ARHGEF10L: variants seen among roughly 807,000 people sequenced by gnomAD.
The protein encoded by ARHGEF10L is Rho guanine nucleotide exchange factor 10 like.
Under a neutral mutation model 141.2 loss-of-function variants are expected in ARHGEF10L, and 69 were observed. That is an observed-to-expected ratio of 0.49 (90% CI 0.40 to 0.60). The LOEUF (loss-of-function observed/expected upper bound fraction) is 0.60. Ranked by LOEUF, ARHGEF10L falls within the 20% of genes least tolerant of loss-of-function variation. ARHGEF10L has a pLI of 0.00. For missense variants in ARHGEF10L, 1,482 were observed against 1,734.3 expected (o/e 0.85, Z 2.58); for synonymous variants, 711 against 718.5 (o/e 0.99, Z 0.17).
At position 17,697,341 on chromosome 1, in the gene ARHGEF10L, C is replaced by T. The variant is rs771722229; in HGVS notation, c.3801C>T (p.Asp1267=). 5 of 1,606,596 alleles carry T rather than the reference C, an allele frequency of 3.1e-6. No homozygotes were observed. In the South Asian group the frequency reaches 4.4e-5, roughly 14 times the overall value. Residue 1267 remains aspartate, a synonymous_variant, in exon 29 of 29, where the codon GAC becomes GAT. Coordinates refer to ENST00000361221, the MANE Select transcript of ARHGEF10L (RefSeq NM_018125.4). The surrounding 1 kb of genome is among the most constrained non-coding windows in gnomAD (Gnocchi z 4.8). ...SGRQAPCGET[D]STLLIWQVPL... The stretch of plus-strand genomic sequence containing the variant: ...GGCAGGCCCCGTGTGGGGAGACGGA[C>T]AGCACCCTCCTCATCTGGCAGGTGC...
intron 27 of ARHGEF10L, 163 bp from the exon 28 acceptor site, chr1:17,694,995 C>A: frequency 1.0e-6 from 1 of 993,670 alleles, no homozygotes; most frequent in Non-Finnish European, 1.6e-6. Flanking sequence ...AGACCCCAGG[C>A]AGGTCAGCCT....
chr1:17,666,081 A>G (rs1237937765), intron 26 of ARHGEF10L, among the ~76,000 whole-genome samples: 1 of 152,186 alleles, frequency 6.6e-6, no homozygotes, highest in Non-Finnish European at 1.5e-5. Flanking sequence ...GCTTCAGCAG[A>G]TTGGGTGAGG....
chr1:17,657,434 G>A (rs367966662), intron 25 of ARHGEF10L, among the ~76,000 whole-genome samples: 2 of 152,156 alleles, frequency 1.3e-5, no homozygotes, highest in African/African-American at 2.4e-5. Flanking sequence ...GTTCAGCCCC[G>A]ATTTGATGAA....
chr1:17,627,000 G>C (rs79999417), intron 14 of ARHGEF10L, among the ~76,000 whole-genome samples: 3,521 of 152,274 alleles, frequency 0.023, 145 homozygotes, highest in African/African-American at 0.081. Context: ...TTTTGTTTAC[G>C]CGTTAGTCTG....
At chr1:17,547,206 C>T (rs1387931498) in intron 1 of ARHGEF10L, among the ~76,000 whole-genome samples, 1 of 152,242 alleles carries the variant, frequency 6.6e-6, no homozygotes, top group Admixed American at 6.5e-5. Flanking sequence ...GAGCTCCCTG[C>T]CATGGGGTTC....
At chr1:17,688,681 G>T (rs540038207) in intron 27 of ARHGEF10L, among the ~76,000 whole-genome samples, 2 of 152,322 alleles carry the variant, frequency 1.3e-5, no homozygotes, top group South Asian at 4.1e-4. Flanking sequence ...CCTGGCAGAT[G>T]GGCCATGGCA....
intron 11 of ARHGEF10L, 111 bp from the exon 12 acceptor site, chr1:17,622,885 C>A: frequency 8.7e-7 from 1 of 1,144,612 alleles, no homozygotes; most frequent in Non-Finnish European, 1.2e-6. Context: ...ATGAGTGCCT[C>A]CCCTCCGTGC....
intron 27 of ARHGEF10L, among the ~76,000 whole-genome samples, chr1:17,690,554 C>G (rs1394840339): frequency 2.0e-5 from 3 of 152,272 alleles, no homozygotes; most frequent in Non-Finnish European, 4.4e-5. Flanking sequence ...TCAGCTGCAT[C>G]AGTGCAGACA....
At chr1:17,660,662 G>A (rs1294082756) in intron 25 of ARHGEF10L, among the ~76,000 whole-genome samples, 1 of 152,246 alleles carries the variant, frequency 6.6e-6, no homozygotes, top group Non-Finnish European at 1.5e-5. Flanking sequence ...CTCCACTGCT[G>A]GCTGGGGGAG....
intron 27 of ARHGEF10L, among the ~76,000 whole-genome samples, chr1:17,691,437 C>A (rs2102561254): frequency 6.6e-6 from 1 of 152,070 alleles, no homozygotes; most frequent in Admixed American, 6.5e-5. Flanking sequence ...TGGGAGGATG[C>A]AGGGGCAGCA....
Position 17,561,238 on chromosome 1 carries a change from C to T in ARHGEF10L, c.-43-19315C>T, listed in dbSNP as rs1488224164. Among the ~76,000 whole-genome samples, 5 of 152,182 alleles carry T rather than the reference C, an allele frequency of 3.3e-5. No homozygotes were observed. The South Asian group carries it at 6.2e-4, about 19-fold the overall frequency. On this transcript the variant is annotated intron_variant, in intron 1 of 28. Transcript: ENST00000361221. ...GAGAGCAACCAGTGGGCCTCAAAGGCGATTGAGGGCTGCTTCCCCTGCCCT... is the reference window on the plus strand; with the variant it reads ...GAGAGCAACCAGTGGGCCTCAAAGGTGATTGAGGGCTGCTTCCCCTGCCCT...
intron 18 of ARHGEF10L, among the ~76,000 whole-genome samples, 198 bp from the exon 19 acceptor site, chr1:17,637,690 C>G (rs1571152628): frequency 6.6e-6 from 1 of 152,212 alleles, no homozygotes; most frequent in South Asian, 2.1e-4. Flanking sequence ...TTTTTTAGTA[C>G]AGACGGGGTT....
intron 21 of ARHGEF10L, among the ~76,000 whole-genome samples, chr1:17,646,766 C>T (rs2061626081): frequency 1.3e-5 from 2 of 152,120 alleles, no homozygotes; most frequent in South Asian, 4.2e-4. Context: ...AGGTGAGGGG[C>T]AGCGTTCCGG....
At position 17,627,675 on chromosome 1, in the gene ARHGEF10L, C is replaced by T. The variant is rs938744260; in HGVS notation, c.1584+172C>T. Among the ~76,000 whole-genome samples the T allele has an allele frequency of 7.9e-5, 12 of 152,190 alleles. No individual in the cohort carries two copies. Among genetic ancestry groups the T allele is most frequent in the African/African-American group, 1.4e-4 (6 of 41,442 alleles). On this transcript the variant is annotated intron_variant, in intron 15 of 28. Coordinates refer to ENST00000361221, the MANE Select transcript of ARHGEF10L (RefSeq NM_018125.4). The surrounding 1 kb of genome is among the most constrained non-coding windows in gnomAD (Gnocchi z 4.0). ...GATTGGATCCTCAGCGGGACCCCCA[C>T]GTTCATTCCTGTTCATGTTATTTTA... is the stretch of plus-strand genomic sequence containing the variant.
intron 4 of ARHGEF10L, among the ~76,000 whole-genome samples, chr1:17,597,515 C>T (rs1259996899): frequency 6.6e-6 from 1 of 152,162 alleles, no homozygotes; most frequent in Non-Finnish European, 1.5e-5. Flanking sequence ...GAACGTTGCT[C>T]GTGTCCCTGC....
chr1:17,517,797 A>C, the ARHGEF10L span, among the ~76,000 whole-genome samples: 1 of 152,174 alleles, frequency 6.6e-6, no homozygotes, highest in Non-Finnish European at 1.5e-5. Flanking sequence ...AGTAGCTGGA[A>C]TTACAGGTGC....
chr1:17,654,834 C>A lies in ARHGEF10L; in HGVS notation c.2481+112C>A. 1 of 1,020,336 alleles carries A rather than the reference C, an allele frequency of 9.8e-7. No individual in the cohort carries two copies. The highest frequency in any genetic ancestry group is 1.5e-6 in the Non-Finnish European group (1 of 657,378). The allele number at this position is 1,020,336 out of a possible 1,614,324, so 63.2% of individuals were successfully genotyped here. On this transcript the variant is annotated intron_variant, in intron 23 of 28. Transcript: ENST00000361221. The surrounding 1 kb of genome is among the most constrained non-coding windows in gnomAD (Gnocchi z 4.3). Reference sequence around the variant, plus strand: ...CAGCTGCCTGCCTCATCTCATGCAGCTTCATCCACCAAGGTCTTCCTGGGC... The same window carrying A: ...CAGCTGCCTGCCTCATCTCATGCAGATTCATCCACCAAGGTCTTCCTGGGC...
chr1:17,627,162 G>C lies in ARHGEF10L; in HGVS notation c.1411-168G>C, dbSNP rs1479089721. Reference sequence around the variant, plus strand: ...CTTTTGTTTTCTTTTTCATGCATTAGCTGTTTCTTGAGGTCTTGTTCTGCA... The same window carrying C: ...CTTTTGTTTTCTTTTTCATGCATTACCTGTTTCTTGAGGTCTTGTTCTGCA... On this transcript the variant is annotated intron_variant, in intron 14 of 28. Transcript: ENST00000361221. The surrounding 1 kb of genome is among the most constrained non-coding windows in gnomAD (Gnocchi z 4.0). 6.6e-6 allele frequency among the ~76,000 whole-genome samples: 1 copy of C among 152,238 alleles called. No homozygotes were observed. The highest frequency in any genetic ancestry group is 1.5e-5 in the Non-Finnish European group (1 of 68,040).
chr1:17,621,753 AC>A lies in ARHGEF10L; in HGVS notation c.943-109del. 1.0e-6 allele frequency: 1 copy of A among 962,952 alleles called. No individual in the cohort carries two copies. Among genetic ancestry groups the A allele is most frequent in the Non-Finnish European group, 1.7e-6 (1 of 603,348 alleles). 59.7% of individuals were successfully genotyped at this position (962,952 alleles called of 1,614,324 possible). ...ACCAGGCCCAGTGGTCCCAGGTGGGACCTGGGAGGGATGGGTTTCTCTGTCC... is the reference window on the plus strand; with the variant it reads ...ACCAGGCCCAGTGGTCCCAGGTGGGACTGGGAGGGATGGGTTTCTCTGTCC... On this transcript the variant is annotated intron_variant, in intron 10 of 28. Transcript: ENST00000361221. The surrounding 1 kb of genome is among the most constrained non-coding windows in gnomAD (Gnocchi z 4.1).
Sources: gnomAD v4.1 joint callset for allele counts (sites outside exome capture counted in the v4.1 genomes callset) on GRCh38, gnomAD v4.1.1 for gene constraint, Gnocchi (gnomAD v3.1) non-coding constraint, MANE v1.5 for transcripts, NCBI Gene and HGNC (gene_info 2026-07-23, HGNC 2026-07-21) for gene names.